Variants in TACC2 observed in about 807,000 individuals in gnomAD.
The protein encoded by TACC2 is transforming acidic coiled-coil containing protein 2.
In TACC2, 137 loss-of-function variants were observed where a neutral mutation model predicts 227.3. The ratio of observed to expected loss-of-function variants is 0.60; its 90% confidence interval spans 0.52 to 0.69. The LOEUF is 0.69. TACC2 is among the 30% of genes least tolerant of loss of function. The pLI, the probability that TACC2 is intolerant of heterozygous loss-of-function variation, is 0.00. For missense variants in TACC2, 3,470 were observed against 3,694.4 expected (o/e 0.94, Z 1.57); for synonymous variants, 1,523 against 1,487.5 (o/e 1.02, Z -0.55).
intron 8 of TACC2, among the ~76,000 whole-genome samples, chr10:122,198,052 G>A (rs542216644): frequency 3.3e-5 from 5 of 152,378 alleles, no homozygotes; most frequent in Admixed American, 1.3e-4. Flanking sequence ...TGGGAACCAC[G>A]TGAATTAATA....
intron 1 of TACC2, among the ~76,000 whole-genome samples, chr10:122,009,797 G>A (rs1338545157): frequency 2.6e-5 from 4 of 151,572 alleles, no homozygotes; most frequent in Admixed American, 6.6e-5. Flanking sequence ...ATGGGGGTGC[G>A]CGCCTGTAGT....
At chr10:122,227,321 C>T (rs1421607261) in intron 13 of TACC2, among the ~76,000 whole-genome samples, 6 of 152,154 alleles carry the variant, frequency 3.9e-5, no homozygotes, top group African/African-American at 1.4e-4. Flanking sequence ...TGTCTGCCTG[C>T]CCCTTTAAGC....
At chr10:122,047,541 C>T (rs2075165240) in intron 2 of TACC2, among the ~76,000 whole-genome samples, 2 of 152,114 alleles carry the variant, frequency 1.3e-5, no homozygotes, top group South Asian at 2.1e-4. Flanking sequence ...GAGGAACCAT[C>T]CCCAGCTCTT....
Position 122,143,702 on chromosome 10 carries a change from A to G in TACC2, c.5830A>G (p.Ser1944Gly). ...PSCPDPAKDL[S>G]RSSDSEEAFE... is the part of the protein sequence containing the mutation. The stretch of plus-strand genomic sequence containing the variant: ...CTGCCCAGATCCGGCCAAGGACCTC[A>G]GCAGGTATTGCGCAAGTCCCCCTCC... The change falls in exon 7 of 23, where the codon AGC becomes GGC. Residue 1944 changes from serine (S) to glycine (G), a missense_variant. Transcript: ENST00000369005. 6.2e-7 allele frequency: 1 copy of G among 1,613,992 alleles called. No homozygotes were observed. Among genetic ancestry groups the G allele is most frequent in the Non-Finnish European group, 8.5e-7 (1 of 1,179,948 alleles).
At chr10:122,182,101 C>T (rs1395758974) in intron 7 of TACC2, among the ~76,000 whole-genome samples, 14 of 152,190 alleles carry the variant, frequency 9.2e-5, no homozygotes, top group Admixed American at 6.5e-5. Context: ...GATTGAGACT[C>T]GTTGAGACAC....
intron 1 of TACC2, among the ~76,000 whole-genome samples, chr10:122,015,573 T>C (rs1956495759): frequency 6.6e-6 from 1 of 151,748 alleles, no homozygotes; most frequent in Admixed American, 6.6e-5. Flanking sequence ...TGAATTAGGC[T>C]GGGCACAGTG....
In TACC2 at chr10:122,141,771, C is replaced by T. The variant is rs573380760; in HGVS notation, c.5700-1801C>T. Reference sequence around the variant, plus strand: ...TTAAATCACAGAACCACAAACAATACCACCTTTCCACAATTTGCATTAAAC... The same window carrying T: ...TTAAATCACAGAACCACAAACAATATCACCTTTCCACAATTTGCATTAAAC... On this transcript the variant is annotated intron_variant, in intron 6 of 22. Transcript: ENST00000369005. The surrounding 1 kb of genome is among the most constrained non-coding windows in gnomAD (Gnocchi z 4.3). Among the ~76,000 whole-genome samples, 1 of 152,114 alleles carries T rather than the reference C, an allele frequency of 6.6e-6. No individual in the cohort carries two copies. The highest frequency in any genetic ancestry group is 1.9e-4 in the East Asian group (1 of 5,152).
rs752342348 is a variant in TACC2 at position 122,012,418 on chromosome 10, CAAAAAAA to C, written c.-45-9504_-45-9498del. 1.2e-4 allele frequency among the ~76,000 whole-genome samples: 7 copies of C among 60,726 alleles called. No individual in the cohort carries two copies. The East Asian group carries it at 3.6e-3, about 31-fold the overall frequency. The allele number at this position is 60,726 out of a possible 152,430, so 39.8% of individuals were successfully genotyped here. ...CTGGTGCCAGAGCAAGACTCCGTCT[CAAAAAAA>C]AAAAAAAAAAAAAAGATGGGGTTTC... On this transcript the variant is annotated intron_variant, in intron 1 of 22. Coordinates refer to ENST00000369005, the MANE Select transcript of TACC2 (RefSeq NM_206862.4).
chr10:122,136,949 T>C (rs1376226310), intron 6 of TACC2, among the ~76,000 whole-genome samples: 1 of 152,164 alleles, frequency 6.6e-6, no homozygotes, highest in African/African-American at 2.4e-5. Context: ...CAAGCCTCAC[T>C]CCTCCTTCCC....
intron 19 of TACC2, among the ~76,000 whole-genome samples, chr10:122,243,670 G>T (rs924311609): frequency 3.3e-5 from 5 of 152,098 alleles, no homozygotes; most frequent in African/African-American, 1.2e-4. Context: ...CAGGCTAAGG[G>T]ATTGATGTCT....
intron 1 of TACC2, among the ~76,000 whole-genome samples, chr10:122,011,406 T>A (rs946317392): frequency 1.3e-5 from 2 of 152,192 alleles, no homozygotes; most frequent in Non-Finnish European, 2.9e-5. Flanking sequence ...CTCGGCTCAC[T>A]GCAACCTCCA....
rs1365049271 is a variant in TACC2 at position 122,083,379 on chromosome 10, G to T, written c.879G>T (p.Gly293=). Residue 293 remains glycine, a synonymous_variant, in exon 4 of 23, where the codon GGG becomes GGT. Coordinates refer to ENST00000369005, the MANE Select transcript of TACC2 (RefSeq NM_206862.4). ...PRASDRERGQ[G]EAPPQYLTDD... ...CCTCAGACAGAGAAAGAGGCCAAGG[G>T]GAGGCGCCGCCTCAGTATTTAACAG... The T allele has an allele frequency of 1.2e-6, 2 of 1,613,918 alleles. No homozygotes were observed. Among genetic ancestry groups the T allele is most frequent in the Non-Finnish European group, 1.7e-6 (2 of 1,180,016 alleles).
At chr10:122,219,618 A>T (rs904107186) in intron 11 of TACC2, among the ~76,000 whole-genome samples, 4 of 152,230 alleles carry the variant, frequency 2.6e-5, no homozygotes, top group Admixed American at 6.5e-5. Flanking sequence ...TTTATGTTCC[A>T]GAGGCAGCAA....
intron 8 of TACC2, among the ~76,000 whole-genome samples, chr10:122,198,352 T>G (rs906623760): frequency 1.3e-5 from 2 of 152,182 alleles, no homozygotes; most frequent in Non-Finnish European, 2.9e-5. Flanking sequence ...GGGTGATCTG[T>G]GGGTCCCTTC....
At position 122,224,818 on chromosome 10, in the gene TACC2, G is replaced by T; in HGVS notation, c.7608+31G>T. Reference sequence around the variant, plus strand: ...TTCGTCTGCCTCGGGCCACTTAGGGGACTCGCTTTCCTGCCTTCAGGGGCC... The same window carrying T: ...TTCGTCTGCCTCGGGCCACTTAGGGTACTCGCTTTCCTGCCTTCAGGGGCC... On this transcript the variant is annotated intron_variant, in intron 12 of 22. Coordinates refer to ENST00000369005, the MANE Select transcript of TACC2 (RefSeq NM_206862.4). 2.5e-6 allele frequency: 4 copies of T among 1,596,528 alleles called. No individual in the cohort carries two copies. The South Asian group carries it at 3.3e-5, about 13-fold the overall frequency.
intron 7 of TACC2, among the ~76,000 whole-genome samples, chr10:122,159,865 G>C (rs1300115642): frequency 6.6e-6 from 1 of 152,140 alleles, no homozygotes; most frequent in East Asian, 1.9e-4. Context: ...GGAGAGTCTT[G>C]CTGCTATGGC....
chr10:122,111,003 T>C (rs1424301750), intron 5 of TACC2, among the ~76,000 whole-genome samples: 1 of 152,166 alleles, frequency 6.6e-6, no homozygotes, highest in Admixed American at 6.5e-5. Flanking sequence ...CCTTCCTTCA[T>C]CTTCAAAGTC....
rs759222715 is a variant in TACC2, at chr10:122,210,310, G to A, written c.5972-87G>A. 5.5e-6 allele frequency: 6 copies of A among 1,093,530 alleles called. No homozygotes were observed. The highest frequency in any genetic ancestry group is 2.4e-5 in the East Asian group (1 of 41,250). 67.7% of individuals were successfully genotyped at this position (1,093,530 alleles called of 1,614,324 possible). ...GGGGCCGTGGTTTGTCAACCCCTAC[G>A]CTGGAGGGTGATGTTTTGGTACAAG... On this transcript the variant is annotated intron_variant, in intron 8 of 22. Transcript: ENST00000369005. This position sits in a 1 kb window ranked among gnomAD's most constrained non-coding sequence, Gnocchi z 4.6.
intron 5 of TACC2, among the ~76,000 whole-genome samples, chr10:122,110,332 A>G (rs1261634976): frequency 6.6e-6 from 1 of 152,136 alleles, no homozygotes; most frequent in African/African-American, 2.4e-5. Flanking sequence ...CCTGACTTGG[A>G]GCAGGAGGGG....
Sources: gnomAD v4.1 joint callset for allele counts (sites outside exome capture counted in the v4.1 genomes callset) on GRCh38, gnomAD v4.1.1 for gene constraint, Gnocchi (gnomAD v3.1) non-coding constraint, MANE v1.5 for transcripts, NCBI Gene and HGNC (gene_info 2026-07-23, HGNC 2026-07-21) for gene names.